SNTG1: variants seen among roughly 807,000 people sequenced by gnomAD.
The protein encoded by SNTG1 is gamma-1-syntrophin.
A neutral mutation model predicts 74.7 loss-of-function variants in SNTG1; 39 were observed. The ratio of observed to expected loss-of-function variants is 0.52; its 90% confidence interval spans 0.40 to 0.68. The LOEUF (loss-of-function observed/expected upper bound fraction) is 0.68, where lower values mean the gene tolerates loss of function less well. Among genes scored for constraint, SNTG1 ranks in the 30% least tolerant of loss-of-function variants. The pLI, the probability that SNTG1 is intolerant of heterozygous loss-of-function variation, is 0.00. For missense variants in SNTG1, 685 were observed against 609.5 expected, an observed-to-expected ratio of 1.12 and a Z score of -1.30; for synonymous variants, 254 against 217.1, an observed-to-expected ratio of 1.17 and a Z score of -1.49.
intron 1 of SNTG1, among the ~76,000 whole-genome samples, chr8:50,002,163 G>T (rs1269508025): frequency 6.6e-6 from 1 of 152,262 alleles, no homozygotes; most frequent in East Asian, 1.9e-4. Flanking sequence ...AGAATAAGAT[G>T]TTGCAGGAAG....
At position 50,058,782 on chromosome 8, in the gene SNTG1, G is replaced by C. The variant is rs376181145; in HGVS notation, c.-102-113779G>C. Among the ~76,000 whole-genome samples the C allele has an allele frequency of 4.0e-5, 6 of 151,602 alleles. No homozygotes were observed. The South Asian group carries it at 8.3e-4, about 21-fold the overall frequency. ...TGTGTGTATGTGTGTTTAGTGCCAT[G>C]CAATTTTATCACAGGTAAAATGTCT... On this transcript the variant is annotated intron_variant, in intron 1 of 18. Coordinates refer to ENST00000642720, the MANE Select transcript of SNTG1 (RefSeq NM_018967.5).
At chr8:50,590,404 TTAAAG>T (rs2094683924) in intron 12 of SNTG1, among the ~76,000 whole-genome samples, 1 of 152,132 alleles carries the variant, frequency 6.6e-6, no homozygotes. Flanking sequence ...TTAAATTTTC[TTAAAG>T]TAAATGTTAG....
chr8:50,729,074 C>T (rs192841514), intron 17 of SNTG1, among the ~76,000 whole-genome samples: 4 of 152,260 alleles, frequency 2.6e-5, no homozygotes, highest in Admixed American at 2.6e-4. Flanking sequence ...TCTTAGGTCA[C>T]CATAGGGATT....
chr8:50,705,384 G>A lies in SNTG1; in HGVS notation c.1191+632G>A, dbSNP rs546404670. On this transcript the variant is annotated intron_variant, in intron 16 of 18. Coordinates refer to ENST00000642720, the MANE Select transcript of SNTG1 (RefSeq NM_018967.5). The stretch of plus-strand genomic sequence containing the variant: ...ATTGTATTCATACTACTCATGAAAA[G>A]CAATTACATTTTTACATGAAGTCAT... Among the ~76,000 whole-genome samples the A allele has an allele frequency of 4.6e-5, 7 of 152,114 alleles. No homozygotes were observed. The South Asian group carries it at 1.0e-3, about 23-fold the overall frequency.
In SNTG1 at chr8:50,367,937, A is replaced by G. The variant is rs2131124134; in HGVS notation, c.-27-26275A>G. On this transcript the variant is annotated intron_variant, in intron 2 of 18. Transcript: ENST00000642720. ...TTGGCCTTGGCTTGGGAACTGGGCA[A>G]TAGGGTAGAGGTTGGCTGAGTTTTG... is the stretch of plus-strand genomic sequence containing the variant. Among the ~76,000 whole-genome samples, 5 of 152,280 alleles carry G rather than the reference A, an allele frequency of 3.3e-5. No homozygotes were observed. In the South Asian group the frequency reaches 1.0e-3, roughly 32 times the overall value.
At chr8:50,492,956 C>T (rs1280421195) in intron 8 of SNTG1, among the ~76,000 whole-genome samples, 1 of 151,806 alleles carries the variant, frequency 6.6e-6, no homozygotes, top group Non-Finnish European at 1.5e-5. Context: ...CATACTGGTA[C>T]CAAAACAGAT....
chr8:50,071,146 G>A (rs1190027281), intron 1 of SNTG1, among the ~76,000 whole-genome samples: 1 of 152,098 alleles, frequency 6.6e-6, no homozygotes, highest in African/African-American at 2.4e-5. Context: ...AACTCCTAAG[G>A]GAAGAATACA....
intron 2 of SNTG1, among the ~76,000 whole-genome samples, chr8:50,312,528 G>A (rs115306971): frequency 0.023 from 3,355 of 145,902 alleles, 391 homozygotes; most frequent in African/African-American, 0.084. Context: ...TGGCACTTCA[G>A]CTGCCTCAAG....
intron 1 of SNTG1, among the ~76,000 whole-genome samples, chr8:50,020,705 G>A (rs1265756377): frequency 2.0e-5 from 3 of 152,124 alleles, no homozygotes; most frequent in Non-Finnish European, 4.4e-5. Flanking sequence ...CCCCTGCATA[G>A]ATTGATGATT....
At chr8:50,502,911 C>A in intron 9 of SNTG1, 31 bp downstream of exon 9, 1 of 1,491,210 alleles carries the variant, frequency 6.7e-7, no homozygotes, top group South Asian at 1.2e-5. Flanking sequence ...GATAAAAGTG[C>A]TCACATCATT....
intron 12 of SNTG1, among the ~76,000 whole-genome samples, chr8:50,567,560 G>T (rs1032529565): frequency 6.6e-6 from 1 of 152,010 alleles, no homozygotes; most frequent in Non-Finnish European, 1.5e-5. Flanking sequence ...TAAAACAAGA[G>T]AAACTCTATG....
At chr8:50,220,506 T>C (rs1363883428) in intron 2 of SNTG1, among the ~76,000 whole-genome samples, 1 of 152,158 alleles carries the variant, frequency 6.6e-6, no homozygotes, top group Non-Finnish European at 1.5e-5. Flanking sequence ...CCCATCCAGA[T>C]ATATTCATGT....
intron 1 of SNTG1, among the ~76,000 whole-genome samples, chr8:50,007,868 G>T (rs542966020): frequency 2.8e-4 from 43 of 152,272 alleles, no homozygotes; most frequent in Non-Finnish European, 4.1e-4. Context: ...AGAGACCTCA[G>T]GAAACTTACA....
intron 13 of SNTG1, among the ~76,000 whole-genome samples, chr8:50,593,249 G>T (rs138676263): frequency 1.3e-5 from 2 of 152,038 alleles, no homozygotes; most frequent in East Asian, 1.9e-4. Flanking sequence ...AAGCCACTGC[G>T]GTCCAGCTGA....
intron 1 of SNTG1, among the ~76,000 whole-genome samples, chr8:49,947,384 T>C (rs1809292811): frequency 6.6e-6 from 1 of 152,230 alleles, no homozygotes; most frequent in African/African-American, 2.4e-5. Flanking sequence ...TTTAACCATT[T>C]TATGTTTCAA....
At chr8:50,342,488 A>G (rs566226394) in intron 2 of SNTG1, among the ~76,000 whole-genome samples, 44 of 152,286 alleles carry the variant, frequency 2.9e-4, no homozygotes, top group African/African-American at 9.1e-4. Context: ...ACATAAATCA[A>G]TAGATTAAAA....
At chr8:50,174,958 G>A (rs974810552) in intron 2 of SNTG1, among the ~76,000 whole-genome samples, 8 of 149,124 alleles carry the variant, frequency 5.4e-5, no homozygotes, top group South Asian at 2.1e-4. Flanking sequence ...GAGAACATGC[G>A]GTGTTTGGTT....
intron 2 of SNTG1, among the ~76,000 whole-genome samples, chr8:50,305,903 T>TA (rs5891362): frequency 0.53 from 78,364 of 148,564 alleles, 24,219 homozygotes; most frequent in East Asian, 0.78. Flanking sequence ...TATATTTATT[T>TA]AAAAAAAAAA....
At chr8:50,193,367 C>T (rs1426989351) in intron 2 of SNTG1, among the ~76,000 whole-genome samples, 1 of 152,010 alleles carries the variant, frequency 6.6e-6, no homozygotes, top group Non-Finnish European at 1.5e-5. Flanking sequence ...TCTTTAGGCT[C>T]CTTAGGTATA....
Sources: allele counts gnomAD v4.1 joint callset (sites outside exome capture counted in the v4.1 genomes callset), GRCh38; gene constraint gnomAD v4.1.1; transcripts MANE v1.5; gene names NCBI Gene and HGNC (gene_info 2026-07-23, HGNC 2026-07-21).